Variants in AGBL1 observed in about 807,000 individuals in gnomAD.
The protein encoded by AGBL1 is cytosolic carboxypeptidase 4.
In AGBL1, 130 loss-of-function variants were observed where a neutral mutation model predicts 118.9. That is an observed-to-expected ratio of 1.09 (90% CI 0.95 to 1.26). The LOEUF (loss-of-function observed/expected upper bound fraction) is 1.26. AGBL1 is among the 50% of genes most tolerant of loss of function. The pLI is 0.00. For missense variants in AGBL1, 1,584 were observed against 1,298.1 expected, an observed-to-expected ratio of 1.22 and a Z score of -3.38; for synonymous variants, 555 against 478.9, an observed-to-expected ratio of 1.16 and a Z score of -2.08.
chr15:87,015,177 C>CTCAAG (rs1329018072), intron 24 of AGBL1, among the ~76,000 whole-genome samples: 2 of 152,160 alleles, frequency 1.3e-5, no homozygotes, highest in African/African-American at 4.8e-5. Flanking sequence ...TCCCAGGCCT[C>CTCAAG]TCAAGTCTTT....
At chr15:86,203,029 A>G (rs1357010786) in intron 5 of AGBL1, among the ~76,000 whole-genome samples, 3 of 152,152 alleles carry the variant, frequency 2.0e-5, no homozygotes, top group African/African-American at 7.2e-5. Context: ...GGCTGCAGTG[A>G]GCTGTGATCA....
intron 16 of AGBL1, among the ~76,000 whole-genome samples, chr15:86,285,341 T>C (rs1218169300): frequency 3.9e-5 from 6 of 152,024 alleles, no homozygotes. Context: ...AAATGAGTAA[T>C]ATGGTTTGGC....
At chr15:86,265,351 A>G (rs2079055010) in intron 11 of AGBL1, among the ~76,000 whole-genome samples, 1 of 152,066 alleles carries the variant, frequency 6.6e-6, no homozygotes, top group African/African-American at 2.4e-5. Context: ...GCTGGCGGGG[A>G]GTTGATGGAA....
intron 23 of AGBL1, among the ~76,000 whole-genome samples, chr15:86,934,910 A>G (rs1447869419): frequency 1.3e-5 from 2 of 152,224 alleles, no homozygotes; most frequent in African/African-American, 4.8e-5. Context: ...ACGATAAGAC[A>G]TACTCCAGAT....
intron 23 of AGBL1, among the ~76,000 whole-genome samples, chr15:86,967,566 C>T (rs2081067369): frequency 1.3e-5 from 2 of 152,226 alleles, no homozygotes; most frequent in South Asian, 2.1e-4. Flanking sequence ...TTCCCAGCAC[C>T]ATTTATTAAA....
intron 18 of AGBL1, among the ~76,000 whole-genome samples, chr15:86,489,074 G>T (rs895405953): frequency 2.0e-5 from 3 of 152,010 alleles, no homozygotes; most frequent in Admixed American, 2.0e-4. Flanking sequence ...AGGGCTGCAG[G>T]AGCTAAGGGG....
At chr15:86,200,885 G>T (rs1223099700) in intron 5 of AGBL1, among the ~76,000 whole-genome samples, 1 of 151,962 alleles carries the variant, frequency 6.6e-6, no homozygotes, top group Non-Finnish European at 1.5e-5. Flanking sequence ...GAAATTGTTA[G>T]GATTACAGGT....
intron 22 of AGBL1, among the ~76,000 whole-genome samples, chr15:86,767,316 C>T (rs2078110106): frequency 6.6e-6 from 1 of 151,942 alleles, no homozygotes. Context: ...ACGAATGGGC[C>T]TTTGTCTGGT....
At chr15:86,939,318 T>C (rs2080716505) in intron 23 of AGBL1, among the ~76,000 whole-genome samples, 1 of 152,240 alleles carries the variant, frequency 6.6e-6, no homozygotes, top group African/African-American at 2.4e-5. Context: ...CTGAGTCTTC[T>C]GACCCTCATC....
intron 22 of AGBL1, among the ~76,000 whole-genome samples, chr15:86,810,293 T>C (rs1321511675): frequency 2.6e-5 from 4 of 152,148 alleles, no homozygotes; most frequent in African/African-American, 9.7e-5. Context: ...GTAGAGGTTT[T>C]CTGATCTGTC....
At chr15:86,892,661 A>T (rs1181664292) in intron 22 of AGBL1, among the ~76,000 whole-genome samples, 1 of 152,176 alleles carries the variant, frequency 6.6e-6, no homozygotes, top group Non-Finnish European at 1.5e-5. Flanking sequence ...GGCACACAGT[A>T]GGTGATTGGC....
chr15:86,333,734 A>G (rs1336016201), intron 17 of AGBL1, among the ~76,000 whole-genome samples: 3 of 152,160 alleles, frequency 2.0e-5, no homozygotes, highest in Non-Finnish European at 4.4e-5. Context: ...ACAATGAGAA[A>G]AGGAAACTAC....
chr15:86,426,228 TACA>T (rs1485760916), intron 18 of AGBL1, among the ~76,000 whole-genome samples: 1 of 152,166 alleles, frequency 6.6e-6, no homozygotes, highest in Non-Finnish European at 1.5e-5. Flanking sequence ...AAAGCCCTCA[TACA>T]AAGGAATGTC....
intron 20 of AGBL1, among the ~76,000 whole-genome samples, chr15:86,552,051 T>C (rs1413023548): frequency 1.3e-5 from 2 of 152,188 alleles, no homozygotes. Context: ...AATACTGTAA[T>C]ATTGAGTACA....
intron 18 of AGBL1, among the ~76,000 whole-genome samples, chr15:86,424,074 G>T (rs891390727): frequency 6.6e-6 from 1 of 152,046 alleles, no homozygotes; most frequent in African/African-American, 2.4e-5. Context: ...ATATAGCCAA[G>T]ACAATCATAA....
intron 22 of AGBL1, among the ~76,000 whole-genome samples, chr15:86,721,945 A>C (rs182127835): frequency 0.012 from 1,881 of 152,308 alleles, 26 homozygotes; most frequent in East Asian, 0.067. Context: ...AATCCAACTT[A>C]CAAGGGATGT....
intron 21 of AGBL1, among the ~76,000 whole-genome samples, chr15:86,664,929 A>C (rs2085616241): frequency 6.6e-6 from 1 of 152,142 alleles, no homozygotes; most frequent in South Asian, 2.1e-4. Context: ...TGGCAAAAGC[A>C]ATTAGGTAAT....
chr15:86,426,889 C>A (rs2081873927), intron 18 of AGBL1, among the ~76,000 whole-genome samples: 1 of 152,168 alleles, frequency 6.6e-6, no homozygotes, highest in Admixed American at 6.5e-5. Flanking sequence ...CCTCAGCCTC[C>A]CAAGTAGCTG....
chr15:86,492,301 G>A (rs2082790974), intron 18 of AGBL1, among the ~76,000 whole-genome samples: 1 of 152,110 alleles, frequency 6.6e-6, no homozygotes, highest in South Asian at 2.1e-4. Context: ...GAAGGACTAT[G>A]AACAGAGAAC....
Sources: gnomAD v4.1 joint callset for allele counts (sites outside exome capture counted in the v4.1 genomes callset) on GRCh38, gnomAD v4.1.1 for gene constraint, MANE v1.5 for transcripts, NCBI Gene and HGNC (gene_info 2026-07-23, HGNC 2026-07-21) for gene names.